Variants in SLC15A2 observed in about 807,000 individuals in gnomAD.
SLC15A2 encodes the protein solute carrier family 15 member 2.
SLC15A2 carries 77 observed loss-of-function variants against 95.5 expected under a neutral mutation model. That is an observed-to-expected ratio of 0.81 (90% confidence interval 0.67 to 0.97). The LOEUF (loss-of-function observed/expected upper bound fraction) is 0.97, where lower values mean the gene tolerates loss of function less well. SLC15A2 is among the 50% of genes least tolerant of loss of function. The pLI, the probability that SLC15A2 is intolerant of heterozygous loss-of-function variation, is 0.00. For missense variants in SLC15A2, 893 were observed against 874.4 expected (o/e 1.02, Z -0.27); for synonymous variants, 306 against 306.9 (o/e 1.00, Z 0.03).
chr3:121,928,476 T>G lies in SLC15A2; in HGVS notation c.1262T>G (p.Leu421Arg), dbSNP rs1710165632. 1 of 1,614,030 alleles carries G rather than the reference T, an allele frequency of 6.2e-7. No homozygotes were observed. Among genetic ancestry groups the G allele is most frequent in the Non-Finnish European group, 8.5e-7 (1 of 1,179,966 alleles). ...GAGGTTTTCCTACAAGTCTTGAATC[T>G]GGCAGATGATGAGGTGAAGGTGACA... is the stretch of plus-strand genomic sequence containing the variant. ...PQEVFLQVLNLADDEVKVTVV... is the reference protein window; with the variant it reads ...PQEVFLQVLNRADDEVKVTVV... Residue 421 changes from leucine (L) to arginine (R), a missense_variant, in exon 15 of 22, where the codon CTG becomes CGG. Physicochemically the swap from Leu to Arg is moderately radical, Grantham distance 102 (BLOSUM62 -2). Coordinates refer to ENST00000489711, the MANE Select transcript of SLC15A2 (RefSeq NM_021082.4).
At position 121,899,253 on chromosome 3, in the gene SLC15A2, T is replaced by C. The variant is rs968762907; in HGVS notation, c.335+1724T>C. Reference sequence around the variant, plus strand: ...ATCCTTCTTGATGTATTTATTATTGTTTTTAATTTATTTTTATTGGGATAT... The same window carrying C: ...ATCCTTCTTGATGTATTTATTATTGCTTTTAATTTATTTTTATTGGGATAT... On this transcript the variant is annotated intron_variant, in intron 3 of 21. Coordinates refer to ENST00000489711, the MANE Select transcript of SLC15A2 (RefSeq NM_021082.4). Among the ~76,000 whole-genome samples the C allele has an allele frequency of 2.8e-4, 42 of 152,310 alleles. No individual in the cohort carries two copies. The Middle Eastern group carries it at 0.01, about 37-fold the overall frequency.
chr3:121,940,121 T>A (rs557093006), intron 20 of SLC15A2, among the ~76,000 whole-genome samples: 6 of 152,314 alleles, frequency 3.9e-5, no homozygotes, highest in Non-Finnish European at 7.4e-5. Context: ...TACTATTTTT[T>A]AAATGTATAA....
chr3:121,922,077 C>T (rs576514405), intron 7 of SLC15A2, 143 bp from the exon 8 acceptor site: 16 of 604,762 alleles, frequency 2.6e-5, no homozygotes, highest in South Asian at 1.2e-4. Context: ...CTGTCCTTAG[C>T]GCTGATATAC....
intron 3 of SLC15A2, among the ~76,000 whole-genome samples, chr3:121,908,504 G>A (rs1709700384): frequency 6.6e-6 from 1 of 152,156 alleles, no homozygotes; most frequent in South Asian, 2.1e-4. Flanking sequence ...TTCGTATTCA[G>A]CCATCTTGGA....
Position 121,936,608 on chromosome 3 carries a change from A to G in SLC15A2, c.1762-2741A>G, listed in dbSNP as rs186514103. Among the ~76,000 whole-genome samples, 1,317 of 141,904 alleles carry G rather than the reference A, an allele frequency of 9.3e-3. 7 individuals carry two copies. The highest frequency in any genetic ancestry group is 0.014 in the Non-Finnish European group (895 of 64,542). 93.1% of individuals were successfully genotyped at this position (141,904 alleles called of 152,430 possible). ...GCAACCCCTGCATTTTTTTTTTTCC[A>G]TTTGCTTGGTAGATCTTCCTCCACC... On this transcript the variant is annotated intron_variant, in intron 19 of 21. Coordinates refer to ENST00000489711, the MANE Select transcript of SLC15A2 (RefSeq NM_021082.4).
intron 1 of SLC15A2, 64 bp downstream of exon 1, chr3:121,894,645 T>A: frequency 1.6e-6 from 2 of 1,284,810 alleles, no homozygotes. Flanking sequence ...CTCTCTTCCT[T>A]GGGCTCTGGA....
Position 121,941,031 on chromosome 3 carries a change from C to T in SLC15A2, c.*24C>T, listed in dbSNP as rs527863503. 6.9e-6 allele frequency: 11 copies of T among 1,599,372 alleles called. No homozygotes were observed. The highest frequency in any genetic ancestry group is 5.4e-5 in the African/African-American group (4 of 74,244). ...GATGACTCCCTAGATTCTGTCCTGA[C>T]CCCAATTCCTGGCCCTGTCTTGAAG... On this transcript the variant is annotated 3_prime_UTR_variant, in exon 22 of 22. Transcript: ENST00000489711.
chr3:121,941,057 C>A lies in SLC15A2; in HGVS notation c.*50C>A. On this transcript the variant is annotated 3_prime_UTR_variant, in exon 22 of 22. Coordinates refer to ENST00000489711, the MANE Select transcript of SLC15A2 (RefSeq NM_021082.4). ...CCCAATTCCTGGCCCTGTCTTGAAG[C>A]ATTTTTTTTCTTCTACTGGATTAGA... 4 of 1,535,992 alleles carry A rather than the reference C, an allele frequency of 2.6e-6. No individual in the cohort carries two copies. The highest frequency in any genetic ancestry group is 1.9e-5 in the Admixed American group (1 of 51,944).
Position 121,907,523 on chromosome 3 carries a change from A to G in SLC15A2, c.336-4051A>G, listed in dbSNP as rs1290558453. 1.1e-3 allele frequency among the ~76,000 whole-genome samples: 166 copies of G among 152,274 alleles called. 1 individual carries two copies. Among genetic ancestry groups the G allele is most frequent in the Admixed American group, 0.011 (166 of 15,302 alleles). On this transcript the variant is annotated intron_variant, in intron 3 of 21. Coordinates refer to ENST00000489711, the MANE Select transcript of SLC15A2 (RefSeq NM_021082.4). ...CTTTGTTCTTTGATGCTGGTGACCT[A>G]CAGATGGGGTTTTGGTGTGGATGTC...
chr3:121,904,403 G>A (rs969344684), intron 3 of SLC15A2, among the ~76,000 whole-genome samples: 1 of 152,198 alleles, frequency 6.6e-6, no homozygotes, highest in Non-Finnish European at 1.5e-5. Context: ...TAGAAGTGGT[G>A]AGAGAGGGCA....
Position 121,925,733 on chromosome 3 carries a change from T to C in SLC15A2, c.1124+700T>C, listed in dbSNP as rs1391448493. Among the ~76,000 whole-genome samples, 12 of 7,902 alleles carry C rather than the reference T, an allele frequency of 1.5e-3. No individual in the cohort carries two copies. In the South Asian group the frequency reaches 0.024, roughly 16 times the overall value. 5.2% of individuals were successfully genotyped at this position (7,902 alleles called of 152,430 possible). ...CTTAGTAAAGGGGCTAGACTATATA[T>C]ATATATATATATATATATATATATA... On this transcript the variant is annotated intron_variant, in intron 13 of 21. Transcript: ENST00000489711.
chr3:121,895,316 T>G (rs1576664946), intron 1 of SLC15A2: 1 of 152,194 alleles, frequency 6.6e-6, no homozygotes, highest in East Asian at 1.9e-4. Flanking sequence ...CCTAACTAGC[T>G]AACAGTGTGT....
intron 1 of SLC15A2, 47 bp from the exon 2 acceptor site, chr3:121,896,359 C>A: frequency 7.0e-7 from 1 of 1,437,576 alleles, no homozygotes; most frequent in Non-Finnish European, 9.8e-7. Flanking sequence ...ATTGTTGAAA[C>A]AGGGAAAAAC....
At chr3:121,913,319 T>C (rs1032762035) in intron 5 of SLC15A2, among the ~76,000 whole-genome samples, 199 bp downstream of exon 5, 1 of 152,108 alleles carries the variant, frequency 6.6e-6, no homozygotes, top group African/African-American at 2.4e-5. Flanking sequence ...GGGTGGTAGA[T>C]GAACTAAAAG....
chr3:121,919,017 T>C (rs1416733045), intron 7 of SLC15A2, among the ~76,000 whole-genome samples: 1 of 152,090 alleles, frequency 6.6e-6, no homozygotes, highest in African/African-American at 2.4e-5. Context: ...CTGTGTTGGG[T>C]GCGGCATCTA....
chr3:121,898,752 C>A (rs1709467946), intron 3 of SLC15A2, among the ~76,000 whole-genome samples: 2 of 152,148 alleles, frequency 1.3e-5, no homozygotes, highest in African/African-American at 2.4e-5. Flanking sequence ...GTTTCCCAAA[C>A]CAGTTTGACT....
rs1022202672 is a variant in SLC15A2 at position 121,942,367 on chromosome 3, G to C, written c.*1360G>C. 1 of 152,230 alleles carries C rather than the reference G, an allele frequency of 6.6e-6. No individual in the cohort carries two copies. The highest frequency in any genetic ancestry group is 1.5e-5 in the Non-Finnish European group (1 of 68,044). The allele number at this position is 152,230 out of a possible 1,614,324, so 9.4% of individuals were successfully genotyped here. ...AAAAGTTCAGAATCACTGTTCTAGAGAGCTTCATTTCCATTGGTTTTAAAA... is the reference window on the plus strand; with the variant it reads ...AAAAGTTCAGAATCACTGTTCTAGACAGCTTCATTTCCATTGGTTTTAAAA... On this transcript the variant is annotated 3_prime_UTR_variant, in exon 22 of 22. Coordinates refer to ENST00000489711, the MANE Select transcript of SLC15A2 (RefSeq NM_021082.4).
chr3:121,902,359 A>T (rs538851924), intron 3 of SLC15A2, among the ~76,000 whole-genome samples: 20 of 151,822 alleles, frequency 1.3e-4, no homozygotes, highest in Non-Finnish European at 2.2e-4. Context: ...ATTTAATTTT[A>T]ATTTTTATTT....
chr3:121,915,194 C>A, intron 5 of SLC15A2, 33 bp from the exon 6 acceptor site: 1 of 1,505,218 alleles, frequency 6.6e-7, no homozygotes, highest in Non-Finnish European at 9.3e-7. Flanking sequence ...CTAGGGGACA[C>A]ATTGCACTGA....
Sources: allele counts gnomAD v4.1 joint callset (sites outside exome capture counted in the v4.1 genomes callset), GRCh38; gene constraint gnomAD v4.1.1; transcripts MANE v1.5; gene names NCBI Gene and HGNC (gene_info 2026-07-23, HGNC 2026-07-21).